Variants in RBM14 observed in about 807,000 individuals in gnomAD.
RBM14 encodes the protein RNA binding motif protein 14.
In RBM14, 5 loss-of-function variants were observed where a neutral mutation model predicts 52.8. That is an observed-to-expected ratio of 0.09 (90% CI 0.05 to 0.20). RBM14 has a LOEUF of 0.20. Among genes scored for constraint, RBM14 ranks in the 10% least tolerant of loss-of-function variants. The pLI is 1.00. For missense variants in RBM14, 780 were observed against 926.6 expected, an observed-to-expected ratio of 0.84 and a Z score of 2.05; for synonymous variants, 411 against 401.8, an observed-to-expected ratio of 1.02 and a Z score of -0.28.
Position 66,626,643 on chromosome 11 carries a change from A to ACAT in RBM14, c.1986_1987insATC (p.His662_Ser663insIle), listed in dbSNP as rs1565073088. The ACAT allele has an allele frequency of 6.2e-6, 10 of 1,610,296 alleles. No homozygotes were observed. Among genetic ancestry groups the ACAT allele is most frequent in the Non-Finnish European group, 8.5e-6 (10 of 1,178,858 alleles). ...GATTACCTGCGGGCGGCTCAGATGCACTCTGGCTACCAGCGCCGCATGTAG... is the reference window on the plus strand; with the variant it reads ...GATTACCTGCGGGCGGCTCAGATGCACATCTCTGGCTACCAGCGCCGCATGTAG... On this transcript the variant is annotated inframe_insertion, in exon 3 of 3. Transcript: ENST00000310137.
rs868766560 is a variant in RBM14 at position 66,616,792 on chromosome 11, C to T, written c.72C>T (p.Pro24=). 2.9e-5 allele frequency: 46 copies of T among 1,610,076 alleles called. 1 individual carries two copies. In the Middle Eastern group the frequency reaches 4.6e-3, roughly 162 times the overall value. Residue 24 remains proline, a synonymous_variant, in exon 1 of 3, where the codon CCC becomes CCT. Transcript: ENST00000310137. Reference sequence around the variant, plus strand: ...AGGAGCTGGCAGCCCTCTTTGCGCCCTACGGCACGGTCATGAGCTGCGCCG... The same window carrying T: ...AGGAGCTGGCAGCCCTCTTTGCGCCTTACGGCACGGTCATGAGCTGCGCCG... The part of the protein sequence containing the change: ...TPEELAALFA[P]YGTVMSCAVM...
At position 66,629,745 on chromosome 11, in the gene RBM14, T is replaced by C. The variant is rs560557800; in HGVS notation, c.*3077T>C. Among the ~76,000 whole-genome samples the C allele has an allele frequency of 3.3e-5, 5 of 152,024 alleles. No homozygotes were observed. The South Asian group carries it at 8.3e-4, about 25-fold the overall frequency. On this transcript the variant is annotated 3_prime_UTR_variant, in exon 3 of 3. Coordinates refer to ENST00000310137, the MANE Select transcript of RBM14 (RefSeq NM_006328.4). The stretch of plus-strand genomic sequence containing the variant: ...CCAGAAAATAATTCTTAAAACTGGG[T>C]TTTATGTCTAGATTTAAATCATGTA...
chr11:66,616,692 C>A lies in RBM14; in HGVS notation c.-29C>A. The A allele has an allele frequency of 6.4e-7, 1 of 1,565,136 alleles. No individual in the cohort carries two copies. The highest frequency in any genetic ancestry group is 8.7e-7 in the Non-Finnish European group (1 of 1,149,836). ...CCTGTCGCTGGAGGAGAGGTCCGGGCTCTCCAGGAAGGTGGCTGCGGCGAC... is the reference window on the plus strand; with the variant it reads ...CCTGTCGCTGGAGGAGAGGTCCGGGATCTCCAGGAAGGTGGCTGCGGCGAC... On this transcript the variant is annotated 5_prime_UTR_variant, in exon 1 of 3. Transcript: ENST00000310137.
At chr11:66,620,196 A>G (rs180971155) in intron 1 of RBM14, among the ~76,000 whole-genome samples, 2 of 152,364 alleles carry the variant, frequency 1.3e-5, no homozygotes, top group Admixed American at 6.5e-5. Context: ...TGGGCAACCT[A>G]TTCACACTTT....
Position 66,624,404 on chromosome 11 carries a change from T to C in RBM14, c.528T>C (p.Pro176=). 6.2e-7 allele frequency: 1 copy of C among 1,614,160 alleles called. No individual in the cohort carries two copies. The highest frequency in any genetic ancestry group is 8.5e-7 in the Non-Finnish European group (1 of 1,179,992). The change falls in exon 2 of 3, where the codon CCT becomes CCC. Residue 176 remains proline, a synonymous_variant. Coordinates refer to ENST00000310137, the MANE Select transcript of RBM14 (RefSeq NM_006328.4). The surrounding 1 kb of genome is among the most constrained non-coding windows in gnomAD (Gnocchi z 4.7). ...KKPGAGDTAF[P]GTGGFSATFD... Reference sequence around the variant, plus strand: ...CAGGGGCTGGGGATACGGCCTTCCCTGGAACTGGTGGCTTCTCTGCCACCT... The same window carrying C: ...CAGGGGCTGGGGATACGGCCTTCCCCGGAACTGGTGGCTTCTCTGCCACCT...
chr11:66,622,578 A>T (rs1859166144), intron 1 of RBM14, among the ~76,000 whole-genome samples: 1 of 152,204 alleles, frequency 6.6e-6, no homozygotes, highest in Non-Finnish European at 1.5e-5. Flanking sequence ...TGGGTCTGGA[A>T]CTGAGACCAT....
In RBM14 at chr11:66,624,790, A is replaced by G. The variant is rs1200454411; in HGVS notation, c.914A>G (p.Tyr305Cys). 6 of 1,613,958 alleles carry G rather than the reference A, an allele frequency of 3.7e-6. No homozygotes were observed. The highest frequency in any genetic ancestry group is 5.1e-6 in the Non-Finnish European group (6 of 1,179,948). The stretch of plus-strand genomic sequence containing the variant: ...GCTGCAGCTTCTTCACTCGGCCCAT[A>G]TGGTGGAGCCCAGCCCTCAGCCTCG... ...QSAAASSLGP[Y>C]GGAQPSASAL... The change falls in exon 2 of 3, where the codon TAT (tyrosine) becomes TGT (cysteine). Residue 305 changes from tyrosine to cysteine, a missense_variant. This residue lies in a region of RBM14 where 675 missense variants were observed against 697.3 expected (regional missense o/e 0.97). Coordinates refer to ENST00000310137, the MANE Select transcript of RBM14 (RefSeq NM_006328.4). This position sits in a 1 kb window ranked among gnomAD's most constrained non-coding sequence, Gnocchi z 4.7.
At position 66,627,305 on chromosome 11, in the gene RBM14, G is replaced by A. The variant is rs1937862554; in HGVS notation, c.*637G>A. On this transcript the variant is annotated 3_prime_UTR_variant, in exon 3 of 3. Transcript: ENST00000310137. ...CTTAATTTTTTTTCCCTTTTGTATG[G>A]ACTACAAATAAAACTTGGGGCAATT... 6.6e-6 allele frequency: 1 copy of A among 152,178 alleles called. No individual in the cohort carries two copies. Among genetic ancestry groups the A allele is most frequent in the Non-Finnish European group, 1.5e-5 (1 of 68,040 alleles). 9.4% of individuals were successfully genotyped at this position (152,178 alleles called of 1,614,324 possible).
rs1354765009 is a variant in RBM14, at chr11:66,625,038, T to G, written c.1162T>G (p.Ser388Ala). ...TCAGGCAGCCTCCTATGGGGCCCAG[T>G]CTGCAGCCTCCTCACTAGCTTATGG... ...GAQAASYGAQSAASSLAYGAQ... is the reference protein window; with the variant it reads ...GAQAASYGAQAAASSLAYGAQ... Residue 388 changes from serine (S) to alanine (A), a missense_variant, in exon 2 of 3, where the codon TCT becomes GCT. Transcript: ENST00000310137. This position sits in a 1 kb window ranked among gnomAD's most constrained non-coding sequence, Gnocchi z 4.2. 1.2e-6 allele frequency: 2 copies of G among 1,612,742 alleles called. No homozygotes were observed. The highest frequency in any genetic ancestry group is 1.3e-5 in the African/African-American group (1 of 74,444).
In RBM14 at chr11:66,627,853, A is replaced by G. The variant is rs1314634778; in HGVS notation, c.*1185A>G. Among the ~76,000 whole-genome samples the G allele has an allele frequency of 6.6e-6, 1 of 152,066 alleles. No individual in the cohort carries two copies. The highest frequency in any genetic ancestry group is 1.5e-5 in the Non-Finnish European group (1 of 68,012). Reference sequence around the variant, plus strand: ...TAATGGCGTTGCCTGATACTGCCCTATGGTTGGAATAAGGAAGGGCAGAGA... The same window carrying G: ...TAATGGCGTTGCCTGATACTGCCCTGTGGTTGGAATAAGGAAGGGCAGAGA... On this transcript the variant is annotated 3_prime_UTR_variant, in exon 3 of 3. Transcript: ENST00000310137.
Position 66,624,403 on chromosome 11 carries a change from C to T in RBM14, c.527C>T (p.Pro176Leu). Residue 176 changes from proline (P) to leucine (L), a missense_variant, in exon 2 of 3, where the codon CCT (proline) becomes CTT (leucine). By Grantham distance (98) the Pro-to-Leu change is moderately conservative (BLOSUM62 -3). Transcript: ENST00000310137. This position sits in a 1 kb window ranked among gnomAD's most constrained non-coding sequence, Gnocchi z 4.7. Reference sequence around the variant, plus strand: ...CCAGGGGCTGGGGATACGGCCTTCCCTGGAACTGGTGGCTTCTCTGCCACC... The same window carrying T: ...CCAGGGGCTGGGGATACGGCCTTCCTTGGAACTGGTGGCTTCTCTGCCACC... ...KKPGAGDTAFPGTGGFSATFD... is the reference protein window; with the variant it reads ...KKPGAGDTAFLGTGGFSATFD... 6.2e-7 allele frequency: 1 copy of T among 1,614,184 alleles called. No individual in the cohort carries two copies. The highest frequency in any genetic ancestry group is 2.2e-5 in the East Asian group (1 of 44,872).
chr11:66,625,264 C>T lies in RBM14; in HGVS notation c.1388C>T (p.Ala463Val). 1.2e-6 allele frequency: 2 copies of T among 1,612,754 alleles called. No homozygotes were observed. The highest frequency in any genetic ancestry group is 1.3e-5 in the African/African-American group (1 of 75,016). Reference protein sequence around the residue: ...ATTPMAGSYGAQPVVQTQLNS... With the variant: ...ATTPMAGSYGVQPVVQTQLNS... The stretch of plus-strand genomic sequence containing the variant: ...ACCCCAATGGCTGGCTCCTATGGGG[C>T]CCAGCCGGTTGTGCAGACCCAGCTG... The change falls in exon 2 of 3, where the codon GCC becomes GTC. Residue 463 changes from alanine to valine, a missense_variant. Around this residue, in one of 4 missense-constraint regions of RBM14, gnomAD observed 675 missense variants for 697.3 expected, o/e 0.97. Transcript: ENST00000310137. This position sits in a 1 kb window ranked among gnomAD's most constrained non-coding sequence, Gnocchi z 4.2.
chr11:66,627,700 G>C lies in RBM14; in HGVS notation c.*1032G>C, dbSNP rs1196543130. Among the ~76,000 whole-genome samples the C allele has an allele frequency of 6.6e-6, 1 of 152,188 alleles. No homozygotes were observed. The highest frequency in any genetic ancestry group is 1.5e-5 in the Non-Finnish European group (1 of 68,034). On this transcript the variant is annotated 3_prime_UTR_variant, in exon 3 of 3. Coordinates refer to ENST00000310137, the MANE Select transcript of RBM14 (RefSeq NM_006328.4). ...CCTGTGTTCCAATGGGATGGTTCTGGGGTTTGGCCTCTTAGGAAGTGGGGA... is the reference window on the plus strand; with the variant it reads ...CCTGTGTTCCAATGGGATGGTTCTGCGGTTTGGCCTCTTAGGAAGTGGGGA...
rs1937945497 is a variant in RBM14 at position 66,629,210 on chromosome 11, C to T, written c.*2542C>T. On this transcript the variant is annotated 3_prime_UTR_variant, in exon 3 of 3. Coordinates refer to ENST00000310137, the MANE Select transcript of RBM14 (RefSeq NM_006328.4). ...AAGTTAGGTTGAGTGAATGGGAGGA[C>T]AGACACTGAATGTGTGTTTTGGAAA... Among the ~76,000 whole-genome samples, 2 of 152,152 alleles carry T rather than the reference C, an allele frequency of 1.3e-5. No individual in the cohort carries two copies. The highest frequency in any genetic ancestry group is 2.1e-4 in the South Asian group (1 of 4,826).
chr11:66,617,060 A>T lies in RBM14; in HGVS notation c.337+3A>T. 1 of 1,572,520 alleles carries T rather than the reference A, an allele frequency of 6.4e-7. No individual in the cohort carries two copies. The highest frequency in any genetic ancestry group is 8.6e-7 in the Non-Finnish European group (1 of 1,156,622). On this transcript the variant is annotated splice_donor_region_variant and intron_variant, in intron 1 of 2. Transcript: ENST00000310137. ...CATCGAGTGTGACGTGGTGAAAGGT[A>T]ACGCGGAGGCGCGCTCGGGGGCGGG...
chr11:66,624,010 C>T lies in RBM14; in HGVS notation c.338-204C>T, dbSNP rs754117567. On this transcript the variant is annotated intron_variant, in intron 1 of 2. Transcript: ENST00000310137. This position sits in a 1 kb window ranked among gnomAD's most constrained non-coding sequence, Gnocchi z 4.7. Reference sequence around the variant, plus strand: ...TGTAAAGGGGAGAATGGGAAGAAGGCTGTAGGCAAAGATGACTGCTTGGGA... The same window carrying T: ...TGTAAAGGGGAGAATGGGAAGAAGGTTGTAGGCAAAGATGACTGCTTGGGA... 2.3e-5 allele frequency: 20 copies of T among 873,626 alleles called. No homozygotes were observed. Among genetic ancestry groups the T allele is most frequent in the Non-Finnish European group, 3.6e-5 (19 of 528,378 alleles). The allele number at this position is 873,626 out of a possible 1,614,324, so 54.1% of individuals were successfully genotyped here.
rs1937803787 is a variant in RBM14, at chr11:66,626,353, G to A, written c.1803-108G>A. ...GACAAAAGGAGACCAATCTCTTGGA[G>A]ACCACTGTGATCACACCCTCCCTGT... On this transcript the variant is annotated intron_variant, in intron 2 of 2. Transcript: ENST00000310137. 9.9e-6 allele frequency: 11 copies of A among 1,109,008 alleles called. No individual in the cohort carries two copies. In the South Asian group the frequency reaches 1.3e-4, roughly 13 times the overall value. The allele number at this position is 1,109,008 out of a possible 1,614,324, so 68.7% of individuals were successfully genotyped here. A position where few individuals can be genotyped will look rare whatever the true frequency, so the allele number is the denominator to read the frequency against.
intron 1 of RBM14, among the ~76,000 whole-genome samples, chr11:66,621,915 T>G (rs972315822): frequency 6.6e-6 from 1 of 152,014 alleles, no homozygotes; most frequent in East Asian, 1.9e-4. Flanking sequence ...CATGGTAAGT[T>G]TCTTTTTATT....
rs1052356709 is a variant in RBM14, at chr11:66,628,281, G to A, written c.*1613G>A. 1.3e-5 allele frequency among the ~76,000 whole-genome samples: 2 copies of A among 152,132 alleles called. No individual in the cohort carries two copies. The highest frequency in any genetic ancestry group is 4.8e-5 in the African/African-American group (2 of 41,404). On this transcript the variant is annotated 3_prime_UTR_variant, in exon 3 of 3. Coordinates refer to ENST00000310137, the MANE Select transcript of RBM14 (RefSeq NM_006328.4). ...GATGATAATGGGAGAACTTACTGATGCTCTTTTGGGAAAAGGTGCTTTAAA... is the reference window on the plus strand; with the variant it reads ...GATGATAATGGGAGAACTTACTGATACTCTTTTGGGAAAAGGTGCTTTAAA...
Sources: gnomAD v4.1 joint callset for allele counts (sites outside exome capture counted in the v4.1 genomes callset) on GRCh38, gnomAD v4.1.1 for gene constraint, gnomAD v4.1.1 regional missense constraint, Gnocchi (gnomAD v3.1) non-coding constraint, MANE v1.5 for transcripts, NCBI Gene and HGNC (gene_info 2026-07-23, HGNC 2026-07-21) for gene names.